The following RANBP2 variants were observed in gnomAD, a reference collection of about 807,000 sequenced individuals.
RANBP2 encodes E3 SUMO-protein ligase RanBP2.
Under a neutral mutation model 303.6 loss-of-function variants are expected in RANBP2, and 57 were observed. The observed-to-expected ratio is 0.19, with a 90% CI of 0.15 to 0.23. RANBP2 has a LOEUF of 0.23. Among genes scored for constraint, RANBP2 ranks in the 10% least tolerant of loss-of-function variants. RANBP2 has a pLI of 1.00. For missense variants in RANBP2, 3,138 were observed against 3,780.8 expected (o/e 0.83, Z 4.46); for synonymous variants, 1,167 against 1,301.5 (o/e 0.90, Z 2.23).
At chr2:109,311,566 G>C in the RANBP2 span, among the ~76,000 whole-genome samples, 1 of 152,186 alleles carries the variant, frequency 6.6e-6, no homozygotes, top group Non-Finnish European at 1.5e-5. Context: ...CCTGTTTGCA[G>C]ACGACATGAT....
the RANBP2 span, among the ~76,000 whole-genome samples, chr2:109,476,573 C>T: frequency 2.0e-5 from 3 of 152,322 alleles, no homozygotes; most frequent in South Asian, 2.1e-4. Context: ...CTAAAGCTCT[C>T]GGGCTCTCCA....
chr2:108,874,441 A>G, the RANBP2 span, among the ~76,000 whole-genome samples: 1 of 152,134 alleles, frequency 6.6e-6, no homozygotes, highest in East Asian at 1.9e-4. Flanking sequence ...GATTCTTGGT[A>G]TGCTGTAGTG....
chr2:109,627,966 A>T, the RANBP2 span, among the ~76,000 whole-genome samples: 93 of 152,314 alleles, frequency 6.1e-4, no homozygotes, highest in East Asian at 0.017. Context: ...TGTGGTGAAC[A>T]TACATACAAT....
the RANBP2 span, chr2:108,989,170 G>C: frequency 6.5e-6 from 1 of 152,752 alleles, no homozygotes; most frequent in African/African-American, 2.4e-5. Context: ...TCCGTTTAAA[G>C]GGCTTCCCGG....
chr2:108,839,290 G>A, the RANBP2 span: 2 of 1,610,640 alleles, frequency 1.2e-6, no homozygotes, highest in Non-Finnish European at 1.7e-6. Context: ...GCAGCTAGAT[G>A]CTGGAGCACA....
chr2:109,379,979 T>A, the RANBP2 span, among the ~76,000 whole-genome samples: 1 of 152,106 alleles, frequency 6.6e-6, no homozygotes, highest in Non-Finnish European at 1.5e-5. Context: ...ACCCACTGTT[T>A]CCCTTACCTT....
At chr2:109,653,270 C>A in the RANBP2 span, among the ~76,000 whole-genome samples, 31 of 151,942 alleles carry the variant, frequency 2.0e-4, no homozygotes, top group African/African-American at 7.3e-4. Context: ...TGGTGGGCAC[C>A]TGTAATCCCA....
At chr2:109,074,160 A>G in the RANBP2 span, among the ~76,000 whole-genome samples, 10 of 150,860 alleles carry the variant, frequency 6.6e-5, no homozygotes, top group African/African-American at 2.2e-4. Context: ...TGAGGTCAGG[A>G]GTTTGAGACC....
the RANBP2 span, among the ~76,000 whole-genome samples, chr2:109,425,772 T>G: frequency 1.3e-5 from 2 of 152,240 alleles, no homozygotes; most frequent in Non-Finnish European, 2.9e-5. Flanking sequence ...CTGATGGAGA[T>G]GTACAAGGAG....
chr2:108,834,176 C>T, the RANBP2 span, among the ~76,000 whole-genome samples: 2 of 148,704 alleles, frequency 1.3e-5, no homozygotes, highest in Admixed American at 1.3e-4. Flanking sequence ...TCTGTTAATG[C>T]TGATCTGTAA....
the RANBP2 span, chr2:109,437,166 AC>A: frequency 2.5e-6 from 4 of 1,593,928 alleles, no homozygotes; most frequent in East Asian, 9.0e-5. Context: ...CAGGGGCCTC[AC>A]CCTGCAGGGC....
At chr2:109,546,335 C>T in the RANBP2 span, 16 of 681,968 alleles carry the variant, frequency 2.3e-5, no homozygotes, top group Non-Finnish European at 3.5e-5. Flanking sequence ...TAGCGCAACA[C>T]AGAATAACCT....
chr2:109,193,858 A>T, the RANBP2 span, among the ~76,000 whole-genome samples: 50 of 152,196 alleles, frequency 3.3e-4, 1 homozygote, highest in South Asian at 8.7e-3. Flanking sequence ...AGCCCCGGGG[A>T]TGGGTTTTCT....
At chr2:109,493,773 C>T in the RANBP2 span, among the ~76,000 whole-genome samples, 7 of 152,182 alleles carry the variant, frequency 4.6e-5, no homozygotes, top group East Asian at 1.4e-3. Flanking sequence ...ACATGCACTG[C>T]ACACACACCA....
the RANBP2 span, among the ~76,000 whole-genome samples, chr2:109,241,960 C>T: frequency 1.3e-5 from 2 of 152,028 alleles, no homozygotes; most frequent in Admixed American, 6.5e-5. Context: ...CAGAGTGCTG[C>T]TTTCATGGTG....
At position 108,764,659 on chromosome 2, in the gene RANBP2, T is replaced by C. The variant is rs149975231; in HGVS notation, c.4120T>C (p.Ser1374Pro). The change falls in exon 20 of 29, where the codon TCA (serine) becomes CCA (proline). Residue 1374 changes from serine to proline, a missense_variant. Physicochemically the swap from Ser to Pro is moderately conservative, Grantham distance 74. Transcript: ENST00000283195. ...TGCTTCAACTGCTAAGAAATGTGTA[T>C]CATGCCAAAATCTAAACCCAAGCAA... ...KNASTAKKCVSCQNLNPSNKE... is the reference protein window; with the variant it reads ...KNASTAKKCVPCQNLNPSNKE... 50 of 1,613,870 alleles carry C rather than the reference T, an allele frequency of 3.1e-5. No individual in the cohort carries two copies. Among genetic ancestry groups the C allele is most frequent in the Non-Finnish European group, 4.1e-5 (48 of 1,179,970 alleles).
the RANBP2 span, among the ~76,000 whole-genome samples, chr2:109,070,415 C>T: frequency 1.2e-3 from 190 of 152,224 alleles, 3 homozygotes; most frequent in Non-Finnish European, 1.8e-4. Context: ...CTCTCCAAAT[C>T]TCGTGTTGAA....
the RANBP2 span, among the ~76,000 whole-genome samples, chr2:109,300,518 G>A: frequency 1.3e-5 from 2 of 152,128 alleles, no homozygotes; most frequent in African/African-American, 4.8e-5. Flanking sequence ...CCTTGAGTGA[G>A]GAAAAGACAT....
chr2:109,473,068 C>T, the RANBP2 span, among the ~76,000 whole-genome samples: 8 of 152,238 alleles, frequency 5.3e-5, no homozygotes, highest in Non-Finnish European at 1.0e-4. Context: ...TGCAGCCTTT[C>T]AGATGCGAGT....
Sources: gnomAD v4.1 joint callset for allele counts (sites outside exome capture counted in the v4.1 genomes callset) on GRCh38, gnomAD v4.1.1 for gene constraint, MANE v1.5 for transcripts, NCBI Gene and HGNC (gene_info 2026-07-23, HGNC 2026-07-21) for gene names.